PCDHA1: variants seen among roughly 807,000 people sequenced by gnomAD.
The protein encoded by PCDHA1 is protocadherin alpha 1.
A neutral mutation model predicts 61.3 loss-of-function variants in PCDHA1; 42 were observed. That is an observed-to-expected ratio of 0.69 (90% CI 0.54 to 0.89). The LOEUF is 0.89. PCDHA1 is among the 40% of genes least tolerant of loss of function. The probability of loss-of-function intolerance (pLI) is 0.00; values close to 1 mark genes in which losing one functional copy is unlikely to be tolerated. For synonymous variants in PCDHA1, 610 were observed against 553.8 expected (o/e 1.10, Z -1.43); for missense variants, 1,256 against 1,235.3 (o/e 1.02, Z -0.25).
chr5:140,842,557 C>T (rs200079412), intron 1 of PCDHA1: 4 of 1,596,448 alleles, frequency 2.5e-6, no homozygotes, highest in Non-Finnish European at 3.4e-6. Context: ...TGGACAGCGC[C>T]CTGGACCGCG....
chr5:140,998,220 C>G (rs1554256199), intron 3 of PCDHA1, among the ~76,000 whole-genome samples: 1 of 152,106 alleles, frequency 6.6e-6, no homozygotes, highest in African/African-American at 2.4e-5. Context: ...ATAACCACAC[C>G]CAGAAATTTG....
At chr5:140,961,984 C>T (rs1037951528) in intron 1 of PCDHA1, among the ~76,000 whole-genome samples, 69 of 151,884 alleles carry the variant, frequency 4.5e-4, no homozygotes, top group African/African-American at 1.5e-3. Context: ...CCTGGGTTCA[C>T]GCCATTGTCC....
At chr5:140,963,437 A>G (rs1218824827) in intron 1 of PCDHA1, among the ~76,000 whole-genome samples, 2 of 152,144 alleles carry the variant, frequency 1.3e-5, no homozygotes, top group African/African-American at 4.8e-5. Context: ...CTAACTTCAT[A>G]CTCTGTTGCT....
At chr5:140,828,668 G>A (rs2150157803) in intron 1 of PCDHA1, 1 of 1,614,160 alleles carries the variant, frequency 6.2e-7, no homozygotes, top group East Asian at 2.2e-5. Context: ...TAAACAAATT[G>A]GGCTCTTATT....
At position 140,805,657 on chromosome 5, in the gene PCDHA1, C is replaced by T. The variant is rs1763614224; in HGVS notation, c.2394+16973C>T. On this transcript the variant is annotated intron_variant, in intron 1 of 3. Coordinates refer to ENST00000504120, the MANE Select transcript of PCDHA1 (RefSeq NM_018900.4). ...TTTATTTATTGGGAAGTCTTCATTC[C>T]CCATTAATACCCAGGATGATTCAAA... 3 of 838,596 alleles carry T rather than the reference C, an allele frequency of 3.6e-6. No homozygotes were observed. The South Asian group carries it at 1.6e-4, about 46-fold the overall frequency. 51.9% of individuals were successfully genotyped at this position (838,596 alleles called of 1,614,324 possible). A position where few individuals can be genotyped will look rare whatever the true frequency, so the allele number is the denominator to read the frequency against.
chr5:141,002,023 G>GC (rs1479327416), intron 3 of PCDHA1, among the ~76,000 whole-genome samples: 4 of 152,186 alleles, frequency 2.6e-5, no homozygotes, highest in Admixed American at 6.5e-5. Flanking sequence ...ACAGCCTTCG[G>GC]TGCCCTGACT....
At chr5:140,807,736 A>G (rs1764020545) in intron 1 of PCDHA1, 1 of 1,614,186 alleles carries the variant, frequency 6.2e-7, no homozygotes, top group African/African-American at 1.3e-5. Flanking sequence ...TGGAAAAACC[A>G]CCTGATGACG....
At chr5:141,005,153 C>G (rs1408163088) in intron 3 of PCDHA1, among the ~76,000 whole-genome samples, 1 of 152,194 alleles carries the variant, frequency 6.6e-6, no homozygotes, top group East Asian at 1.9e-4. Flanking sequence ...GTTTGGTCTG[C>G]TAAAGAGTGG....
At chr5:140,829,361 G>C in intron 1 of PCDHA1, 1 of 1,614,230 alleles carries the variant, frequency 6.2e-7, no homozygotes, top group Middle Eastern at 1.7e-4. Flanking sequence ...CTATGAGTTG[G>C]TGGTAACCGC....
intron 1 of PCDHA1, chr5:140,882,094 C>A: frequency 2.6e-6 from 3 of 1,172,678 alleles, no homozygotes; most frequent in Non-Finnish European, 3.5e-6. Flanking sequence ...TCACTGAGAA[C>A]GTTTCCGCGA....
rs782286666 is a variant in PCDHA1 at position 140,786,311 on chromosome 5, G to C, written c.21G>C (p.Gly7=). 3 of 1,609,684 alleles carry C rather than the reference G, an allele frequency of 1.9e-6. No homozygotes were observed. The highest frequency in any genetic ancestry group is 2.5e-6 in the Non-Finnish European group (3 of 1,177,662). Reference sequence around the variant, plus strand: ...TTGCAATGGTGTTTTCTAGGAGAGGGGGCCTGGGAGCCCGGGATCTGCTTC... The same window carrying C: ...TTGCAATGGTGTTTTCTAGGAGAGGCGGCCTGGGAGCCCGGGATCTGCTTC... MVFSRR[G]GLGARDLLLW... is the part of the protein sequence containing the mutation. Residue 7 remains glycine, a synonymous_variant, in exon 1 of 4, where the codon GGG becomes GGC. Coordinates refer to ENST00000504120, the MANE Select transcript of PCDHA1 (RefSeq NM_018900.4).
At chr5:140,947,086 CTG>C (rs1554218047) in intron 1 of PCDHA1, among the ~76,000 whole-genome samples, 1 of 151,518 alleles carries the variant, frequency 6.6e-6, no homozygotes, top group African/African-American at 2.4e-5. Context: ...AAACATCAGA[CTG>C]TAGCCCATAA....
intron 1 of PCDHA1, among the ~76,000 whole-genome samples, chr5:140,839,019 G>A (rs1394721397): frequency 6.6e-6 from 1 of 151,970 alleles, no homozygotes; most frequent in African/African-American, 2.4e-5. Flanking sequence ...AATTATTTTA[G>A]GATATGTTAC....
intron 1 of PCDHA1, among the ~76,000 whole-genome samples, chr5:140,922,855 A>C (rs1216713034): frequency 6.6e-6 from 1 of 152,246 alleles, no homozygotes; most frequent in Non-Finnish European, 1.5e-5. Context: ...GACCAAATAC[A>C]TAGACAAGGG....
chr5:140,909,376 A>C (rs934172847), intron 1 of PCDHA1, among the ~76,000 whole-genome samples: 3 of 152,208 alleles, frequency 2.0e-5, no homozygotes, highest in Non-Finnish European at 4.4e-5. Context: ...AAGCAATGAA[A>C]CCACATCTAG....
chr5:140,849,974 G>C lies in PCDHA1; in HGVS notation c.2394+61290G>C, dbSNP rs190398483. The C allele has an allele frequency of 8.8e-6, 14 of 1,597,556 alleles. 2 individuals are homozygous for C. In the South Asian group the frequency reaches 1.4e-4, roughly 16 times the overall value. ...AGGAGAACGCCCTGGTGTCCTACTC[G>C]CTGGTGGAGCGGCGGTTGGGCGAGC... is the stretch of plus-strand genomic sequence containing the variant. On this transcript the variant is annotated intron_variant, in intron 1 of 3. Transcript: ENST00000504120.
intron 1 of PCDHA1, chr5:140,828,238 G>A (rs2150152865): frequency 3.7e-6 from 6 of 1,613,818 alleles, no homozygotes; most frequent in Non-Finnish European, 5.1e-6. Context: ...GCCGGATCGC[G>A]CAGGACCTGG....
At chr5:140,845,144 C>T (rs2150376784) in intron 1 of PCDHA1, among the ~76,000 whole-genome samples, 2 of 149,524 alleles carry the variant, frequency 1.3e-5, no homozygotes, top group Non-Finnish European at 3.0e-5. Context: ...TATTTGAACA[C>T]ATTGTGTAAA....
In PCDHA1 at chr5:140,823,091, G is replaced by A. The variant is rs2150122158; in HGVS notation, c.2394+34407G>A. On this transcript the variant is annotated intron_variant, in intron 1 of 3. Transcript: ENST00000504120. ...TCGCCTTCGCTGTGGGCCACCGCCA[G>A]CGTGTCTGTGGAAGTGGCCGACGTG... The A allele has an allele frequency of 5.0e-6, 8 of 1,614,038 alleles. No individual in the cohort carries two copies. The East Asian group carries it at 6.7e-5, about 13-fold the overall frequency.
Sources: allele counts gnomAD v4.1 joint callset (sites outside exome capture counted in the v4.1 genomes callset), GRCh38; gene constraint gnomAD v4.1.1; transcripts MANE v1.5; gene names NCBI Gene and HGNC (gene_info 2026-07-23, HGNC 2026-07-21).